The following ST8SIA6 variants were observed in gnomAD, a reference collection of about 807,000 sequenced individuals.
ST8SIA6 encodes ST8 alpha-N-acetyl-neuraminide alpha-2,8-sialyltransferase 6, also known as alpha-2,8-sialyltransferase 8F.
ST8SIA6 carries 39 observed loss-of-function variants against 33.6 expected under a neutral mutation model. The observed-to-expected ratio is 1.16, with a 90% confidence interval of 0.90 to 1.52. The LOEUF is 1.52. ST8SIA6 is among the 40% of genes most tolerant of loss of function. The probability of loss-of-function intolerance (pLI) is 0.00; values close to 1 mark genes in which losing one functional copy is unlikely to be tolerated. For missense variants in ST8SIA6, 441 were observed against 443.8 expected (o/e 0.99, Z 0.06); for synonymous variants, 172 against 167.2 (o/e 1.03, Z -0.22).
chr10:17,327,780 G>A (rs370785335), intron 5 of ST8SIA6, among the ~76,000 whole-genome samples: 81 of 151,838 alleles, frequency 5.3e-4, no homozygotes, highest in African/African-American at 1.6e-3. Flanking sequence ...GGTGAAGAGC[G>A]CCAGTAGTCT....
intron 2 of ST8SIA6, among the ~76,000 whole-genome samples, chr10:17,417,269 A>C (rs1483158794): frequency 6.6e-6 from 1 of 152,058 alleles, no homozygotes; most frequent in Non-Finnish European, 1.5e-5. Flanking sequence ...CCCATGACCC[A>C]AACACCTCTC....
intron 2 of ST8SIA6, among the ~76,000 whole-genome samples, chr10:17,399,485 T>C (rs1850953409): frequency 6.6e-6 from 1 of 152,238 alleles, no homozygotes; most frequent in African/African-American, 2.4e-5. Context: ...CAAAAATGTC[T>C]GCAAATAGTA....
At position 17,339,541 on chromosome 10, in the gene ST8SIA6, C is replaced by T. The variant is rs531519482; in HGVS notation, c.378-7989G>A. Reference sequence around the variant, plus strand: ...CCATCCAAATCATTTCTAAAATGGCCACATTTCTTTTTCTTCACGAAAATA... The same window carrying T: ...CCATCCAAATCATTTCTAAAATGGCTACATTTCTTTTTCTTCACGAAAATA... On this transcript the variant is annotated intron_variant, in intron 4 of 7. Transcript: ENST00000377602. Among the ~76,000 whole-genome samples, 15 of 152,256 alleles carry T rather than the reference C, an allele frequency of 9.9e-5. 1 individual carries two copies. In the South Asian group the frequency reaches 2.9e-3, roughly 29 times the overall value.
At chr10:17,393,492 A>G (rs912353624) in intron 2 of ST8SIA6, among the ~76,000 whole-genome samples, 1 of 152,182 alleles carries the variant, frequency 6.6e-6, no homozygotes, top group South Asian at 2.1e-4. Context: ...CCTGTATCCA[A>G]ATGTTTGAAC....
chr10:17,447,088 T>C (rs1281382709), intron 2 of ST8SIA6, among the ~76,000 whole-genome samples: 1 of 148,122 alleles, frequency 6.8e-6, no homozygotes, highest in Non-Finnish European at 1.5e-5. Context: ...ACAGAATCCA[T>C]GTATGAAAAA....
At chr10:17,442,111 C>T (rs1456794099) in intron 2 of ST8SIA6, among the ~76,000 whole-genome samples, 1 of 152,202 alleles carries the variant, frequency 6.6e-6, no homozygotes, top group African/African-American at 2.4e-5. Context: ...TCGTGATCCA[C>T]CTGCCTCGGC....
At chr10:17,356,013 A>C (rs1421961431) in intron 4 of ST8SIA6, among the ~76,000 whole-genome samples, 1 of 152,180 alleles carries the variant, frequency 6.6e-6, no homozygotes, top group East Asian at 1.9e-4. Flanking sequence ...TCCCACAGTG[A>C]TCTTGCATTA....
At chr10:17,394,742 T>A (rs1850743004) in intron 2 of ST8SIA6, among the ~76,000 whole-genome samples, 1 of 152,216 alleles carries the variant, frequency 6.6e-6, no homozygotes. Flanking sequence ...TGTGAGCAGA[T>A]CCCATCTAAG....
At chr10:17,392,108 G>C (rs1045306716) in intron 2 of ST8SIA6, among the ~76,000 whole-genome samples, 3 of 152,222 alleles carry the variant, frequency 2.0e-5, no homozygotes, top group Non-Finnish European at 4.4e-5. Context: ...CAGAGAGGAA[G>C]AGAAAATAGA....
At chr10:17,409,688 C>G (rs1851386942) in intron 2 of ST8SIA6, 1 of 152,220 alleles carries the variant, frequency 6.6e-6, no homozygotes, top group Non-Finnish European at 1.5e-5. Context: ...ACCAGCCTGA[C>G]CAACATGGAG....
chr10:17,443,476 A>G (rs1217563235), intron 2 of ST8SIA6, among the ~76,000 whole-genome samples: 1 of 152,180 alleles, frequency 6.6e-6, no homozygotes, highest in Non-Finnish European at 1.5e-5. Context: ...ATTTCGGTGT[A>G]TTTTACAATA....
chr10:17,316,470 C>T lies in ST8SIA6; in HGVS notation c.*4408G>A, dbSNP rs1277255780. 2.0e-5 allele frequency among the ~76,000 whole-genome samples: 3 copies of T among 151,980 alleles called. No homozygotes were observed. In the East Asian group the frequency reaches 5.8e-4, roughly 29 times the overall value. ...CCGCAAACCATAATGGAATAAATACCTTAATACTTGTTTTTTTGTGTGGAT... is the reference window on the plus strand; with the variant it reads ...CCGCAAACCATAATGGAATAAATACTTTAATACTTGTTTTTTTGTGTGGAT... On this transcript the variant is annotated 3_prime_UTR_variant, in exon 8 of 8. Transcript: ENST00000377602.
At chr10:17,349,947 CACACACAT>C (rs1848976351) in intron 4 of ST8SIA6, among the ~76,000 whole-genome samples, 1 of 152,074 alleles carries the variant, frequency 6.6e-6, no homozygotes, top group African/African-American at 2.4e-5. Flanking sequence ...CACACACACA[CACACACAT>C]ACACACACAA....
intron 2 of ST8SIA6, among the ~76,000 whole-genome samples, chr10:17,452,786 G>T (rs929435958): frequency 2.6e-5 from 4 of 152,072 alleles, no homozygotes; most frequent in Non-Finnish European, 4.4e-5. Flanking sequence ...ATGTTTTTGT[G>T]GGGGGAGGGG....
At chr10:17,444,180 A>C (rs907631099) in intron 2 of ST8SIA6, among the ~76,000 whole-genome samples, 4 of 152,106 alleles carry the variant, frequency 2.6e-5, no homozygotes, top group African/African-American at 9.7e-5. Flanking sequence ...TGTTGCCTTA[A>C]AGGAAATGTC....
At chr10:17,396,307 A>G (rs1250293436) in intron 2 of ST8SIA6, among the ~76,000 whole-genome samples, 1 of 152,018 alleles carries the variant, frequency 6.6e-6, no homozygotes, top group Non-Finnish European at 1.5e-5. Context: ...GGAGTGCTGG[A>G]AAAAAAATCA....
At chr10:17,381,534 T>C (rs1024532031) in intron 3 of ST8SIA6, among the ~76,000 whole-genome samples, 1 of 152,192 alleles carries the variant, frequency 6.6e-6, no homozygotes, top group Non-Finnish European at 1.5e-5. Flanking sequence ...CTTTTAAAGG[T>C]TATATAACTT....
At chr10:17,377,954 C>T (rs1849975151) in intron 3 of ST8SIA6, among the ~76,000 whole-genome samples, 1 of 152,170 alleles carries the variant, frequency 6.6e-6, no homozygotes, top group South Asian at 2.1e-4. Context: ...AAAAATTAGT[C>T]TCCTGTGTGC....
chr10:17,352,316 A>G (rs559491134), intron 4 of ST8SIA6, among the ~76,000 whole-genome samples: 4 of 152,326 alleles, frequency 2.6e-5, no homozygotes, highest in African/African-American at 9.6e-5. Context: ...AGACCAGCTC[A>G]TATATTTGAG....
Sources: allele counts gnomAD v4.1 joint callset (sites outside exome capture counted in the v4.1 genomes callset), GRCh38; gene constraint gnomAD v4.1.1; transcripts MANE v1.5; gene names NCBI Gene and HGNC (gene_info 2026-07-23, HGNC 2026-07-21).